The following PCDHA10 variants were observed in gnomAD, a reference collection of about 807,000 sequenced individuals.
PCDHA10 encodes the protein protocadherin alpha 10.
Under a neutral mutation model 61.2 loss-of-function variants are expected in PCDHA10, and 45 were observed. The observed-to-expected ratio is 0.74, with a 90% CI of 0.58 to 0.94. PCDHA10 has a LOEUF of 0.94. Ranked by LOEUF, PCDHA10 falls within the 40% of genes least tolerant of loss-of-function variation. PCDHA10 has a pLI of 0.00. For synonymous variants in PCDHA10, 602 were observed against 548.8 expected (o/e 1.10, Z -1.35); for missense variants, 1,278 against 1,236.2 (o/e 1.03, Z -0.51).
intron 1 of PCDHA10, among the ~76,000 whole-genome samples, chr5:140,914,725 T>C (rs1317424827): frequency 6.6e-6 from 1 of 152,164 alleles, no homozygotes; most frequent in African/African-American, 2.4e-5. Flanking sequence ...TTATTTTTTG[T>C]GTATCCATTG....
chr5:140,985,928 C>A (rs1001132600), intron 3 of PCDHA10, among the ~76,000 whole-genome samples: 2 of 151,534 alleles, frequency 1.3e-5, no homozygotes, highest in Non-Finnish European at 2.9e-5. Flanking sequence ...TTTAGTAGAG[C>A]CGGGGTTTCA....
intron 1 of PCDHA10, among the ~76,000 whole-genome samples, chr5:140,893,393 C>T (rs1358613018): frequency 6.6e-6 from 1 of 152,144 alleles, no homozygotes; most frequent in Non-Finnish European, 1.5e-5. Context: ...TGGCTCATGC[C>T]TGTAATCCCA....
intron 1 of PCDHA10, 170 bp from the exon 2 acceptor site, chr5:140,978,779 C>T: frequency 2.1e-6 from 2 of 969,908 alleles, no homozygotes; most frequent in Non-Finnish European, 2.5e-6. Flanking sequence ...TAATTTTCTT[C>T]TAAAGTGCTA....
At chr5:140,989,555 T>G (rs923190578) in intron 3 of PCDHA10, among the ~76,000 whole-genome samples, 1 of 152,204 alleles carries the variant, frequency 6.6e-6, no homozygotes, top group African/African-American at 2.4e-5. Flanking sequence ...CCTTTACGTT[T>G]TGTGGCTCCG....
chr5:140,920,039 G>A (rs185914290), intron 1 of PCDHA10, among the ~76,000 whole-genome samples: 1 of 152,280 alleles, frequency 6.6e-6, no homozygotes, highest in Non-Finnish European at 1.5e-5. Flanking sequence ...TTGGAGTGAT[G>A]TCAACAGCCA....
chr5:140,892,261 G>A (rs1221882386), intron 1 of PCDHA10, among the ~76,000 whole-genome samples: 1 of 152,020 alleles, frequency 6.6e-6, no homozygotes, highest in Admixed American at 6.6e-5. Context: ...CTTTGATTTT[G>A]TGCTGAAAGT....
intron 3 of PCDHA10, among the ~76,000 whole-genome samples, chr5:140,986,019 G>T (rs562523452): frequency 1.3e-5 from 2 of 152,036 alleles, no homozygotes; most frequent in African/African-American, 2.4e-5. Flanking sequence ...GATTACAGGC[G>T]TGAGCCACTG....
At chr5:140,884,122 G>T (rs1212118784) in intron 1 of PCDHA10, 1 of 1,613,188 alleles carries the variant, frequency 6.2e-7, no homozygotes, top group Non-Finnish European at 8.5e-7. Context: ...CGGTCGGCGC[G>T]CGCATCCCGT....
At chr5:140,913,810 T>C (rs2076475017) in intron 1 of PCDHA10, among the ~76,000 whole-genome samples, 1 of 152,224 alleles carries the variant, frequency 6.6e-6, no homozygotes, top group South Asian at 2.1e-4. Context: ...AAATTTTCAA[T>C]TTCCTTTTAA....
intron 1 of PCDHA10, chr5:140,862,484 G>A (rs2047390468): frequency 2.6e-6 from 1 of 382,510 alleles, no homozygotes; most frequent in Non-Finnish European, 5.2e-6. Context: ...TCCATTGTTG[G>A]TAATCGCTCG....
chr5:140,888,067 T>G (rs1392142536), intron 1 of PCDHA10, among the ~76,000 whole-genome samples: 1 of 152,224 alleles, frequency 6.6e-6, no homozygotes, highest in Admixed American at 6.5e-5. Context: ...CTTTCTTGTC[T>G]GCTAATTTCA....
chr5:141,009,908 A>T lies in PCDHA10; in HGVS notation c.2818A>T (p.Asn940Tyr). ...NKTQEKKEKGNSTTDNSDQ is the reference protein window; with the variant it reads ...NKTQEKKEKGYSTTDNSDQ ...GACCCAGGAGAAAAAAGAGAAAGGG[A>T]ACAGCACGACTGACAACAGTGACCA... Residue 940 changes from asparagine to tyrosine, a missense_variant, in exon 4 of 4, where the codon AAC (asparagine) becomes TAC (tyrosine). Physicochemically the swap from Asn to Tyr is moderately radical, Grantham distance 143 (BLOSUM62 -2). Transcript: ENST00000307360. 1 of 1,612,966 alleles carries T rather than the reference A, an allele frequency of 6.2e-7. No individual in the cohort carries two copies. The highest frequency in any genetic ancestry group is 1.1e-5 in the South Asian group (1 of 90,886).
intron 3 of PCDHA10, among the ~76,000 whole-genome samples, chr5:141,006,540 A>T (rs868906531): frequency 1.6e-4 from 25 of 152,182 alleles, no homozygotes; most frequent in Admixed American, 3.3e-4. Context: ...AAAGAGAGAC[A>T]TTAAGAAATA....
chr5:140,924,132 T>C (rs1417924703), intron 1 of PCDHA10, among the ~76,000 whole-genome samples: 1 of 152,246 alleles, frequency 6.6e-6, no homozygotes, highest in East Asian at 1.9e-4. Flanking sequence ...TTAGCAGCAT[T>C]AATTTAAAAT....
intron 1 of PCDHA10, chr5:140,884,516 T>C: frequency 6.2e-7 from 1 of 1,613,960 alleles, no homozygotes; most frequent in South Asian, 1.1e-5. Context: ...GAGTTGGTCG[T>C]ACTCGCAGCA....
Position 140,861,518 on chromosome 5 carries a change from G to A in PCDHA10, c.2388+3082G>A, listed in dbSNP as rs560386977. The A allele has an allele frequency of 1.0e-3, 481 of 461,708 alleles. 1 individual carries two copies. Among genetic ancestry groups the A allele is most frequent in the African/African-American group, 8.4e-3 (422 of 50,046 alleles). The allele number at this position is 461,708 out of a possible 1,614,324, so 28.6% of individuals were successfully genotyped here. A position where few individuals can be genotyped will look rare whatever the true frequency, so the allele number is the denominator to read the frequency against. On this transcript the variant is annotated intron_variant, in intron 1 of 3. Transcript: ENST00000307360. The stretch of plus-strand genomic sequence containing the variant: ...TGATAGACCTCGAGGAGCTGTGTGG[G>A]AGGATCTCGGAGTGCAGCATCCACC...
chr5:140,967,088 GAGGCGCTGTGTGAGC>G, intron 1 of PCDHA10: 1 of 1,613,226 alleles, frequency 6.2e-7, no homozygotes, highest in Non-Finnish European at 8.5e-7. Context: ...CATTGATCGG[GAGGCGCTGTGTGAGC>G]AGCGGCCTCG....
At chr5:140,862,901 C>CA in intron 1 of PCDHA10, 2 of 551,296 alleles carry the variant, frequency 3.6e-6, no homozygotes, top group Non-Finnish European at 3.5e-6. Context: ...ACTTTGTCTG[C>CA]GCTGCTGGCG....
chr5:140,926,889 G>A, intron 1 of PCDHA10: 1 of 1,545,026 alleles, frequency 6.5e-7, no homozygotes, highest in Non-Finnish European at 8.7e-7. Context: ...CGCCTAGAGG[G>A]AGGATGGTGG....
Sources: allele counts gnomAD v4.1 joint callset (sites outside exome capture counted in the v4.1 genomes callset), GRCh38; gene constraint gnomAD v4.1.1; transcripts MANE v1.5; gene names NCBI Gene and HGNC (gene_info 2026-07-23, HGNC 2026-07-21).